FGD5: variants seen among roughly 807,000 people sequenced by gnomAD.
FGD5 encodes the protein FYVE, RhoGEF and PH domain-containing protein 5.
Under a neutral mutation model 133.4 loss-of-function variants are expected in FGD5, and 28 were observed. The ratio of observed to expected loss-of-function variants is 0.21; its 90% CI spans 0.16 to 0.29. FGD5 has a LOEUF of 0.29. Ranked by LOEUF, FGD5 falls within the 10% of genes least tolerant of loss-of-function variation. The pLI is 1.00. For synonymous variants in FGD5, 810 were observed against 776.5 expected (o/e 1.04, Z -0.72); for missense variants, 1,858 against 1,895.2 (o/e 0.98, Z 0.36).
At chr3:14,846,028 A>G (rs1240381116) in intron 1 of FGD5, among the ~76,000 whole-genome samples, 6 of 152,162 alleles carry the variant, frequency 3.9e-5, no homozygotes, top group African/African-American at 1.4e-4. Flanking sequence ...CCCGTGGTTT[A>G]TTGACATAAA....
At chr3:14,906,318 C>T (rs1049947168) in intron 9 of FGD5, among the ~76,000 whole-genome samples, 17 of 152,232 alleles carry the variant, frequency 1.1e-4, no homozygotes, top group African/African-American at 4.1e-4. Context: ...AGCTCTGTGG[C>T]TCTGTGGCTG....
In FGD5 at chr3:14,819,593, G is replaced by A. The variant is rs956079416; in HGVS notation, c.522G>A (p.Arg174=). 1 of 1,551,410 alleles carries A rather than the reference G, an allele frequency of 6.4e-7. No homozygotes were observed. Among genetic ancestry groups the A allele is most frequent in the African/African-American group, 1.4e-5 (1 of 73,020 alleles). Residue 174 remains arginine, a synonymous_variant, in exon 1 of 20, where the codon AGG becomes AGA. Coordinates refer to ENST00000285046, the MANE Select transcript of FGD5 (RefSeq NM_152536.4). This position sits in a 1 kb window ranked among gnomAD's most constrained non-coding sequence, Gnocchi z 4.1. ...AAGAGAAGCTAGTGCAGCCACACAGGGAGTGCAGCCTGGAGGACAGTGGGC... is the reference window on the plus strand; with the variant it reads ...AAGAGAAGCTAGTGCAGCCACACAGAGAGTGCAGCCTGGAGGACAGTGGGC... ...EEEEKLVQPH[R]ECSLEDSGPW...
intron 2 of FGD5, among the ~76,000 whole-genome samples, chr3:14,864,787 A>G (rs2037463128): frequency 6.6e-6 from 1 of 152,204 alleles, no homozygotes; most frequent in South Asian, 2.1e-4. Flanking sequence ...GCCACGTCAC[A>G]GTGAAGACCC....
chr3:14,834,425 A>G (rs1214491729), intron 1 of FGD5, among the ~76,000 whole-genome samples: 1 of 152,208 alleles, frequency 6.6e-6, no homozygotes, highest in Non-Finnish European at 1.5e-5. Context: ...GCTTGCAAAG[A>G]ATTTAGTAAG....
Position 14,924,011 on chromosome 3 carries a change from G to T in FGD5, c.3941G>T (p.Arg1314Leu). ...ATGTGGCTTCTTTCAGTTACAGAGC[G>T]GCCTGTGAGCATGAGCTTCCCGCTG... ...GRAVPGLMRE[R>L]PVSMSFPLSS... The change falls in exon 17 of 20, where the codon CGG (arginine) becomes CTG (leucine). Residue 1314 changes from arginine to leucine, a missense_variant. Transcript: ENST00000285046. 1 of 1,613,912 alleles carries T rather than the reference G, an allele frequency of 6.2e-7. No homozygotes were observed. The highest frequency in any genetic ancestry group is 2.2e-5 in the East Asian group (1 of 44,864).
chr3:14,901,922 T>C (rs1297705263), intron 9 of FGD5, among the ~76,000 whole-genome samples: 1 of 152,068 alleles, frequency 6.6e-6, no homozygotes, highest in African/African-American at 2.4e-5. Context: ...CCATGATAGA[T>C]GTCATGGGAG....
At chr3:14,920,191 G>A (rs759185008) in intron 13 of FGD5, among the ~76,000 whole-genome samples, 2 of 152,198 alleles carry the variant, frequency 1.3e-5, no homozygotes, top group African/African-American at 2.4e-5. Flanking sequence ...TGCATGGCAG[G>A]GGTCAGCAAG....
Position 14,820,254 on chromosome 3 carries a change from G to T in FGD5, c.1183G>T (p.Gly395Cys). The change falls in exon 1 of 20, where the codon GGC becomes TGC. Residue 395 changes from glycine (G) to cysteine (C), a missense_variant. Around this residue, in one of 3 missense-constraint regions of FGD5, gnomAD observed 1,824 missense variants for 1,848.9 expected, o/e 0.99. Transcript: ENST00000285046. ...GAACCCCATGGTGGGGGCTTTGTGT[G>T]GCCAGTGTGGCTCCCTACAGGGTGG... ...EENPMVGALC[G>C]QCGSLQGGAA... 1 of 1,604,260 alleles carries T rather than the reference G, an allele frequency of 6.2e-7. No homozygotes were observed. Among genetic ancestry groups the T allele is most frequent in the South Asian group, 1.1e-5 (1 of 89,412 alleles).
chr3:14,915,715 C>A (rs990397452), intron 11 of FGD5, among the ~76,000 whole-genome samples: 28 of 152,110 alleles, frequency 1.8e-4, no homozygotes, highest in Admixed American at 1.4e-3. Context: ...ACAGGGCTCA[C>A]TTTGGTTCAC....
intron 9 of FGD5, among the ~76,000 whole-genome samples, chr3:14,904,113 A>T (rs2038293204): frequency 6.6e-6 from 1 of 152,184 alleles, no homozygotes; most frequent in South Asian, 2.1e-4. Flanking sequence ...GTTGATGTTG[A>T]CCTTGGTCAC....
intron 16 of FGD5, 149 bp downstream of exon 16, chr3:14,923,324 G>A (rs1267966370): frequency 9.0e-7 from 1 of 1,109,692 alleles, no homozygotes; most frequent in Non-Finnish European, 1.2e-6. Context: ...CAGAGGTTCG[G>A]GCACCATTTT....
Position 14,820,347 on chromosome 3 carries a change from C to G in FGD5, c.1276C>G (p.Leu426Val), listed in dbSNP as rs1052840239. 2 of 1,612,556 alleles carry G rather than the reference C, an allele frequency of 1.2e-6. No homozygotes were observed. The highest frequency in any genetic ancestry group is 1.7e-6 in the Non-Finnish European group (2 of 1,179,208). ...GGAGGAGGAGGCCTTGGATGATGCA[C>G]TGGCCAACCCCTATGTGATGGGAGT... ...VLEEEALDDA[L>V]ANPYVMGVGL... Residue 426 changes from leucine to valine, a missense_variant, in exon 1 of 20, where the codon CTG becomes GTG. Transcript: ENST00000285046.
At position 14,933,240 on chromosome 3, in the gene FGD5, G is replaced by A. The variant is rs548898723; in HGVS notation, c.*73G>A. ...GAATGCTTTTAGAAGCTAAGCTGTG[G>A]CTCAACTCATCCGGACACACACCTG... is the stretch of plus-strand genomic sequence containing the variant. On this transcript the variant is annotated 3_prime_UTR_variant, in exon 20 of 20. Coordinates refer to ENST00000285046, the MANE Select transcript of FGD5 (RefSeq NM_152536.4). The A allele has an allele frequency of 1.9e-6, 3 of 1,544,636 alleles. No individual in the cohort carries two copies. The South Asian group carries it at 3.5e-5, about 18-fold the overall frequency.
intron 9 of FGD5, among the ~76,000 whole-genome samples, chr3:14,904,346 C>A (rs928010220): frequency 2.0e-5 from 3 of 152,190 alleles, no homozygotes; most frequent in Non-Finnish European, 4.4e-5. Flanking sequence ...TGTATCTAGT[C>A]ATTATATATA....
intron 1 of FGD5, among the ~76,000 whole-genome samples, chr3:14,848,059 C>T (rs879401227): frequency 6.6e-6 from 1 of 152,172 alleles, no homozygotes; most frequent in African/African-American, 2.4e-5. Flanking sequence ...GGCCCCAACA[C>T]TGCCAGGTCC....
rs1273040273 is a variant in FGD5, at chr3:14,933,013, G to A, written c.4353-118G>A. The A allele has an allele frequency of 1.5e-5, 18 of 1,216,238 alleles. No individual in the cohort carries two copies. In the Admixed American group the frequency reaches 2.2e-4, roughly 15 times the overall value. The allele number at this position is 1,216,238 out of a possible 1,614,324, so 75.3% of individuals were successfully genotyped here. A position where few individuals can be genotyped will look rare whatever the true frequency, so the allele number is the denominator to read the frequency against. Reference sequence around the variant, plus strand: ...ATGTTTGAGAAACAAATACAATTACGACATGGTCCTTGACTTCAAACTAAG... The same window carrying A: ...ATGTTTGAGAAACAAATACAATTACAACATGGTCCTTGACTTCAAACTAAG... On this transcript the variant is annotated intron_variant, in intron 19 of 19. Coordinates refer to ENST00000285046, the MANE Select transcript of FGD5 (RefSeq NM_152536.4).
chr3:14,832,765 C>A (rs1041804659), intron 1 of FGD5, among the ~76,000 whole-genome samples: 8 of 152,048 alleles, frequency 5.3e-5, no homozygotes, highest in African/African-American at 1.9e-4. Context: ...CAGTAGAGTA[C>A]GAAACTTCAG....
chr3:14,812,056 T>C (rs927195581), intron 1 of FGD5, among the ~76,000 whole-genome samples: 1 of 147,092 alleles, frequency 6.8e-6, no homozygotes, highest in Non-Finnish European at 1.5e-5. Context: ...GTGTGTAGGA[T>C]TTTTTCTTTT....
chr3:14,897,543 A>G lies in FGD5; in HGVS notation c.2783A>G (p.Asp928Gly), dbSNP rs767037086. ...FHGAVMRALD[D>G]MDHEGRDTLA... ...GGAGCTGTCATGAGGGCCTTGGATG[A>G]CATGGACCATGAAGGCAGAGACACA... The change falls in exon 5 of 20, where the codon GAC (aspartate) becomes GGC (glycine). Residue 928 changes from aspartate (D) to glycine (G), a missense_variant. This residue lies in a region of FGD5 where 1,824 missense variants were observed against 1,848.9 expected (regional missense o/e 0.99). Transcript: ENST00000285046. The G allele has an allele frequency of 2.3e-5, 37 of 1,606,022 alleles. No homozygotes were observed. The highest frequency in any genetic ancestry group is 2.6e-5 in the Non-Finnish European group (31 of 1,176,298).
Sources: allele counts gnomAD v4.1 joint callset (sites outside exome capture counted in the v4.1 genomes callset), GRCh38; gene constraint gnomAD v4.1.1; regional missense constraint gnomAD v4.1.1; non-coding constraint Gnocchi (gnomAD v3.1); transcripts MANE v1.5; gene names NCBI Gene and HGNC (gene_info 2026-07-23, HGNC 2026-07-21).